Variants in TRPM8 observed in about 807,000 individuals in gnomAD.
TRPM8 encodes TRPM8 cationic channel.
A neutral mutation model predicts 133.7 loss-of-function variants in TRPM8; 110 were observed. The ratio of observed to expected loss-of-function variants is 0.82; its 90% confidence interval spans 0.70 to 0.96. The LOEUF (loss-of-function observed/expected upper bound fraction) is 0.96, where lower values mean the gene tolerates loss of function less well. Among genes scored for constraint, TRPM8 ranks in the 40% least tolerant of loss-of-function variants. The pLI is 0.00. For missense variants in TRPM8, 1,291 were observed against 1,379.5 expected (o/e 0.94, Z 1.02); for synonymous variants, 535 against 532.3 (o/e 1.01, Z -0.07).
Position 233,985,720 on chromosome 2 carries a change from A to G in TRPM8, c.2794A>G (p.Thr932Ala), listed in dbSNP as rs961792429. The change falls in exon 21 of 26, where the codon ACT (threonine) becomes GCT (alanine). Residue 932 changes from threonine to alanine, a missense_variant. This residue lies in a region of TRPM8 where 328 missense variants were observed against 410.6 expected (regional missense o/e 0.80). Coordinates refer to ENST00000324695, the MANE Select transcript of TRPM8 (RefSeq NM_024080.5). ...GTATGACTTTGCCCACTGCACCTTCACTGGGAATGAGTCCAAGCCACTGTG... is the reference window on the plus strand; with the variant it reads ...GTATGACTTTGCCCACTGCACCTTCGCTGGGAATGAGTCCAAGCCACTGTG... ...TTYDFAHCTF[T>A]GNESKPLCVE... 2 of 1,614,032 alleles carry G rather than the reference A, an allele frequency of 1.2e-6. No individual in the cohort carries two copies. The highest frequency in any genetic ancestry group is 1.7e-6 in the Non-Finnish European group (2 of 1,179,998).
chr2:234,017,786 C>A lies in TRPM8; in HGVS notation c.*530C>A, dbSNP rs201142560. ...AAAACATGCTGCAGCAAGAGGACCC[C>A]GCTCTCTTCAGGAAAAGTGTTTTCA... On this transcript the variant is annotated 3_prime_UTR_variant, in exon 26 of 26. Coordinates refer to ENST00000324695, the MANE Select transcript of TRPM8 (RefSeq NM_024080.5). 1 of 158,718 alleles carries A rather than the reference C, an allele frequency of 6.3e-6. No homozygotes were observed. The highest frequency in any genetic ancestry group is 1.4e-5 in the Non-Finnish European group (1 of 72,764). 9.8% of individuals were successfully genotyped at this position (158,718 alleles called of 1,614,324 possible). A position where few individuals can be genotyped will look rare whatever the true frequency, so the allele number is the denominator to read the frequency against.
At chr2:233,921,113 G>A (rs917701173) in intron 1 of TRPM8, among the ~76,000 whole-genome samples, 1 of 151,988 alleles carries the variant, frequency 6.6e-6, no homozygotes, top group African/African-American at 2.4e-5. Flanking sequence ...CACCCGCCTT[G>A]GCCTCCCAAA....
chr2:233,920,504 G>T (rs974479553), intron 1 of TRPM8, among the ~76,000 whole-genome samples: 2 of 152,314 alleles, frequency 1.3e-5, no homozygotes. Flanking sequence ...CTTTGGGCCT[G>T]CCATGGAGAT....
At chr2:234,001,886 A>G (rs2125376643) in intron 22 of TRPM8, among the ~76,000 whole-genome samples, 2 of 152,246 alleles carry the variant, frequency 1.3e-5, no homozygotes, top group Non-Finnish European at 2.9e-5. Flanking sequence ...GATTCAACAA[A>G]TATGTGCCAA....
chr2:233,919,953 A>T (rs1691375334), intron 1 of TRPM8, among the ~76,000 whole-genome samples: 2 of 152,134 alleles, frequency 1.3e-5, no homozygotes, highest in African/African-American at 2.4e-5. Flanking sequence ...ATTTTATTGC[A>T]CTTTAAGGAC....
At chr2:233,984,816 G>T (rs913491571) in intron 20 of TRPM8, among the ~76,000 whole-genome samples, 1 of 152,168 alleles carries the variant, frequency 6.6e-6, no homozygotes, top group Non-Finnish European at 1.5e-5. Flanking sequence ...GGGGATGGTG[G>T]CTTATGCCTG....
intron 22 of TRPM8, among the ~76,000 whole-genome samples, chr2:234,004,319 A>G (rs1357644879): frequency 1.3e-5 from 2 of 152,194 alleles, no homozygotes; most frequent in Non-Finnish European, 2.9e-5. Flanking sequence ...GGACAGAGAG[A>G]GCCAAGAGCC....
chr2:233,939,298 A>G (rs1332886880), intron 5 of TRPM8, 123 bp downstream of exon 5: 14 of 1,070,566 alleles, frequency 1.3e-5, no homozygotes, highest in Non-Finnish European at 8.0e-6. Context: ...CATCTGATTA[A>G]TCGTTATCTT....
Position 233,996,547 on chromosome 2 carries a change from C to A in TRPM8, c.3130+31C>A, listed in dbSNP as rs990192646. ...TGGTTTATCCATGTGTACTTGGGAT[C>A]AGAAGCAGCGATTAATTTCAGGGAA... On this transcript the variant is annotated intron_variant, in intron 22 of 25. Transcript: ENST00000324695. 3.8e-6 allele frequency: 6 copies of A among 1,599,178 alleles called. No individual in the cohort carries two copies. The African/African-American group carries it at 8.0e-5, about 21-fold the overall frequency.
intron 4 of TRPM8, among the ~76,000 whole-genome samples, chr2:233,938,683 G>C (rs1690824552): frequency 6.6e-6 from 1 of 152,134 alleles, no homozygotes; most frequent in Non-Finnish European, 1.5e-5. Flanking sequence ...CTTTCCAAAG[G>C]AGGCAATCAG....
intron 19 of TRPM8, among the ~76,000 whole-genome samples, chr2:233,982,602 T>TAA (rs971032696): frequency 3.3e-5 from 5 of 151,592 alleles, no homozygotes; most frequent in African/African-American, 9.7e-5. Context: ...TGCACAAAAT[T>TAA]AAAAAAAAAT....
At chr2:234,008,626 C>G (rs11562942) in intron 24 of TRPM8, among the ~76,000 whole-genome samples, 9,649 of 152,188 alleles carry the variant, frequency 0.063, 572 homozygotes, top group African/African-American at 0.15. Context: ...ATGCTAGATC[C>G]CTGCTAGGCT....
At chr2:233,921,181 A>T (rs993838283) in intron 1 of TRPM8, among the ~76,000 whole-genome samples, 3 of 152,134 alleles carry the variant, frequency 2.0e-5, no homozygotes, top group African/African-American at 4.8e-5. Flanking sequence ...CCACTTGGAC[A>T]TGCATTCATT....
chr2:233,920,161 C>T (rs1024528209), intron 1 of TRPM8, among the ~76,000 whole-genome samples: 8 of 152,120 alleles, frequency 5.3e-5, no homozygotes, highest in African/African-American at 7.2e-5. Context: ...GTATAGTTTC[C>T]TGTGTGAGAA....
intron 20 of TRPM8, 115 bp downstream of exon 20, chr2:233,983,339 C>A: frequency 8.4e-7 from 1 of 1,185,360 alleles, no homozygotes; most frequent in Non-Finnish European, 1.2e-6. Flanking sequence ...GAAACGGAGT[C>A]CAACATAACA....
chr2:233,939,750 A>C (rs1205368419), intron 5 of TRPM8, among the ~76,000 whole-genome samples: 1 of 152,236 alleles, frequency 6.6e-6, no homozygotes, highest in Non-Finnish European at 1.5e-5. Context: ...CCAATTGTTA[A>C]CATTTCCCCA....
chr2:234,012,794 T>C (rs1692874449), intron 24 of TRPM8, among the ~76,000 whole-genome samples: 1 of 152,064 alleles, frequency 6.6e-6, no homozygotes. Context: ...CTATATCGAT[T>C]TTGTTGAGAG....
chr2:234,014,784 C>CAA (rs11422376), intron 25 of TRPM8, 130 bp downstream of exon 25: 48,584 of 338,344 alleles, frequency 0.14, 1,592 homozygotes, highest in Non-Finnish European at 0.15. Flanking sequence ...ATGCATTGTG[C>CAA]AAAAAAAAAA....
intron 14 of TRPM8, 139 bp downstream of exon 14, chr2:233,964,896 CA>C (rs1301796547): frequency 3.8e-5 from 32 of 834,216 alleles, no homozygotes; most frequent in Middle Eastern, 6.8e-4. Context: ...CTGCAGACCA[CA>C]AGGTCTGGAT....
Sources: gnomAD v4.1 joint callset for allele counts (sites outside exome capture counted in the v4.1 genomes callset) on GRCh38, gnomAD v4.1.1 for gene constraint, gnomAD v4.1.1 regional missense constraint, MANE v1.5 for transcripts, NCBI Gene and HGNC (gene_info 2026-07-23, HGNC 2026-07-21) for gene names.